The following CT45A10 variants were observed in gnomAD, a reference collection of about 807,000 sequenced individuals.
CT45A10 encodes cancer/testis antigen family 45 member A10.
In CT45A10, 19 loss-of-function variants were observed where a neutral mutation model predicts 8.3. That is an observed-to-expected ratio of 2.30 (90% CI 1.61 to 3.38). CT45A10 has a LOEUF of 3.38. Ranked by LOEUF, CT45A10 falls within the 30% of genes most tolerant of loss-of-function variation. The pLI, the probability that CT45A10 is intolerant of heterozygous loss-of-function variation, is 0.00. For synonymous variants in CT45A10, 28 were observed against 26.5 expected, an observed-to-expected ratio of 1.06 and a Z score of -0.17; for missense variants, 149 against 85.9, an observed-to-expected ratio of 1.73 and a Z score of -2.90.
Position 135,882,638 on chromosome X carries a change from G to T in CT45A10, c.419-9C>A. 1 of 1,159,566 alleles carries T rather than the reference G, an allele frequency of 8.6e-7. No homozygotes were observed. Among genetic ancestry groups the T allele is most frequent in the Non-Finnish European group, 1.2e-6 (1 of 865,840 alleles). On this transcript the variant is annotated splice_polypyrimidine_tract_variant and intron_variant, in intron 3 of 4. Transcript: ENST00000682849. Reference sequence around the variant, plus strand: ...GAAGATTTTTTCATATTCTGAAGATGTTGAAAAAAAAACTTCAGTATTATC... The same window carrying T: ...GAAGATTTTTTCATATTCTGAAGATTTTGAAAAAAAAACTTCAGTATTATC...
At chrX:135,892,277 T>C (rs2088512619) in intron 1 of CT45A10, among the ~76,000 whole-genome samples, 1 of 111,520 alleles carries the variant, frequency 9.0e-6, no homozygotes, top group Non-Finnish European at 1.9e-5. Flanking sequence ...AAATTAACAC[T>C]TTTAAAAAGG....
At chrX:135,891,138 T>C (rs781910365) in intron 1 of CT45A10, among the ~76,000 whole-genome samples, 2 of 111,606 alleles carry the variant, frequency 1.8e-5, no homozygotes, top group Admixed American at 1.9e-4. Context: ...TAAAGATAGA[T>C]AGTGAATCCA....
intron 1 of CT45A10, among the ~76,000 whole-genome samples, chrX:135,890,852 A>G (rs782051453): frequency 8.9e-6 from 1 of 112,377 alleles, no homozygotes; most frequent in South Asian, 3.7e-4. Flanking sequence ...TAAGAAAAAG[A>G]ACTAAGTTGG....
In CT45A10 at chrX:135,882,589, T is replaced by C. The variant is rs1213497372; in HGVS notation, c.459A>G (p.Gly153=). The C allele has an allele frequency of 8.7e-7, 1 of 1,152,859 alleles. No homozygotes were observed. Among genetic ancestry groups the C allele is most frequent in the Admixed American group, 2.3e-5 (1 of 42,939 alleles). The change falls in exon 4 of 5, where the codon GGA becomes GGG. Residue 153 remains glycine, a synonymous_variant. Coordinates refer to ENST00000682849, the MANE Select transcript of CT45A10 (RefSeq NM_001291529.2). The stretch of plus-strand genomic sequence containing the variant: ...AAAATCGTTTCCTGACTGCAGTAGG[T>C]CCTTGCACTCCTTCAAGCATTTCGA... The part of the protein sequence containing the change: ...KIFEMLEGVQ[G]PTAVRKRFFE...
Position 135,883,080 on chromosome X carries a change from G to A in CT45A10, c.346C>T (p.Pro116Ser), listed in dbSNP as rs1253449596. ...DLECRGIASS[P>S]KSQQEINADI... ...GCATTAATTTCTTGTTGGCTTTTGG[G>A]AGAGGAGGCTATTCCTCTGCATTCT... The change falls in exon 3 of 5, where the codon CCC becomes TCC. Residue 116 changes from proline (P) to serine (S), a missense_variant. Coordinates refer to ENST00000682849, the MANE Select transcript of CT45A10 (RefSeq NM_001291529.2). The A allele has an allele frequency of 4.7e-5, 56 of 1,197,075 alleles. 2 individuals are homozygous for A. In the South Asian group the frequency reaches 9.8e-4, roughly 21 times the overall value.
chrX:135,892,862 C>T lies in CT45A10; in HGVS notation c.-7+483G>A, dbSNP rs1000302091. On this transcript the variant is annotated intron_variant, in intron 1 of 4. Coordinates refer to ENST00000682849, the MANE Select transcript of CT45A10 (RefSeq NM_001291529.2). ...GTCCCTCACAGGCTGAGATAAAGCC[C>T]GCGACAGAGAGTGACCCCATAGGGC... Among the ~76,000 whole-genome samples, 17 of 110,281 alleles carry T rather than the reference C, an allele frequency of 1.5e-4. No individual in the cohort carries two copies. In the Admixed American group the frequency reaches 1.6e-3, roughly 11 times the overall value.
intron 1 of CT45A10, chrX:135,889,262 G>C (rs1336772342): frequency 6.9e-6 from 1 of 145,316 alleles, no homozygotes; most frequent in African/African-American, 3.2e-5. Context: ...GGATGAAATC[G>C]CCTGGGTAAC....
chrX:135,882,972 A>T (rs2088399183), intron 3 of CT45A10, 36 bp downstream of exon 3: 3 of 1,185,185 alleles, frequency 2.5e-6, no homozygotes, highest in Non-Finnish European at 3.4e-6. Context: ...GTGACTTCCT[A>T]CAGTTTTATA....
chrX:135,889,971 A>C (rs782495183), intron 1 of CT45A10, among the ~76,000 whole-genome samples: 2 of 112,224 alleles, frequency 1.8e-5, no homozygotes, highest in African/African-American at 3.2e-5. Flanking sequence ...ACTGTATGAA[A>C]AAAAGCATTG....
At chrX:135,890,707 G>A (rs1268094640) in intron 1 of CT45A10, among the ~76,000 whole-genome samples, 6 of 111,987 alleles carry the variant, frequency 5.4e-5, no homozygotes, top group African/African-American at 2.0e-4. Context: ...AGACATTATT[G>A]TTAATTCTCT....
chrX:135,883,004 T>C lies in CT45A10; in HGVS notation c.418+4A>G. ...TATAAAACAGACGTTCTTACACTACTTACTTCGTCCAAGGCATCGGATTTC... is the reference window on the plus strand; with the variant it reads ...TATAAAACAGACGTTCTTACACTACCTACTTCGTCCAAGGCATCGGATTTC... On this transcript the variant is annotated splice_donor_region_variant and intron_variant, in intron 3 of 4. Coordinates refer to ENST00000682849, the MANE Select transcript of CT45A10 (RefSeq NM_001291529.2). 1 of 1,197,909 alleles carries C rather than the reference T, an allele frequency of 8.3e-7. No homozygotes were observed. The highest frequency in any genetic ancestry group is 2.3e-4 in the Middle Eastern group (1 of 4,284).
At position 135,883,110 on chromosome X, in the gene CT45A10, C is replaced by T; in HGVS notation, c.316G>A (p.Asp106Asn). The T allele has an allele frequency of 2.4e-5, 29 of 1,198,979 alleles. 1 individual carries two copies. The highest frequency in any genetic ancestry group is 3.3e-5 in the Non-Finnish European group (29 of 885,967). ...GNVTSNFSGDDLECRGIASSP... is the reference protein window; with the variant it reads ...GNVTSNFSGDNLECRGIASSP... ...GAGGCTATTCCTCTGCATTCTAGGT[C>T]ATCTCCAGAGAAATTGCTGGTAACG... is the stretch of plus-strand genomic sequence containing the variant. The change falls in exon 3 of 5, where the codon GAC (aspartate) becomes AAC (asparagine). Residue 106 changes from aspartate (D) to asparagine (N), a missense_variant. By Grantham distance (23) the Asp-to-Asn change is conservative. Transcript: ENST00000682849.
chrX:135,883,338 C>G (rs1396053663), intron 2 of CT45A10, 82 bp from the exon 3 acceptor site: 17 of 1,186,190 alleles, frequency 1.4e-5, no homozygotes, highest in Non-Finnish European at 1.9e-5. Context: ...TCATGAATGA[C>G]AGATCTGGAA....
chrX:135,893,111 C>T (rs2088524897), intron 1 of CT45A10, among the ~76,000 whole-genome samples: 1 of 110,279 alleles, frequency 9.1e-6, no homozygotes, highest in African/African-American at 3.3e-5. Flanking sequence ...AGAAAAGCCC[C>T]CCGGACCCAC....
chrX:135,883,002 A>T lies in CT45A10; in HGVS notation c.418+6T>A. On this transcript the variant is annotated splice_donor_region_variant and intron_variant, in intron 3 of 4. Transcript: ENST00000682849. Reference sequence around the variant, plus strand: ...TTTATAAAACAGACGTTCTTACACTACTTACTTCGTCCAAGGCATCGGATT... The same window carrying T: ...TTTATAAAACAGACGTTCTTACACTTCTTACTTCGTCCAAGGCATCGGATT... The T allele has an allele frequency of 2.5e-6, 3 of 1,197,380 alleles. No homozygotes were observed. The highest frequency in any genetic ancestry group is 1.8e-5 in the African/African-American group (1 of 57,003).
At chrX:135,882,885 A>G in intron 3 of CT45A10, 123 bp downstream of exon 3, 1 of 815,816 alleles carries the variant, frequency 1.2e-6, no homozygotes. Flanking sequence ...GAACCACCAT[A>G]AATTATGTGC....
intron 3 of CT45A10, among the ~76,000 whole-genome samples, 170 bp from the exon 4 acceptor site, chrX:135,882,799 G>A (rs1342575028): frequency 1.0e-5 from 1 of 100,491 alleles, no homozygotes; most frequent in African/African-American, 3.7e-5. Flanking sequence ...ACATACATAC[G>A]AATGTAACTC....
intron 1 of CT45A10, among the ~76,000 whole-genome samples, chrX:135,888,257 T>C (rs1451836123): frequency 5.0e-4 from 56 of 111,365 alleles, no homozygotes; most frequent in East Asian, 2.4e-3. Context: ...GCCAACACAT[T>C]GTAACTGAGA....
At position 135,883,271 on chromosome X, in the gene CT45A10, T is replaced by C; in HGVS notation, c.170-15A>G. 1 of 1,195,850 alleles carries C rather than the reference T, an allele frequency of 8.4e-7. No homozygotes were observed. Among genetic ancestry groups the C allele is most frequent in the Non-Finnish European group, 1.1e-6 (1 of 885,211 alleles). On this transcript the variant is annotated splice_polypyrimidine_tract_variant and intron_variant, in intron 2 of 4. Coordinates refer to ENST00000682849, the MANE Select transcript of CT45A10 (RefSeq NM_001291529.2). ...TGTCATAAGCTCTGGTGAAACAAAT[T>C]TTGAGTAAAAGCCATCAGTTGGTGT... is the stretch of plus-strand genomic sequence containing the variant.
Sources: gnomAD v4.1 joint callset for allele counts (sites outside exome capture counted in the v4.1 genomes callset) on GRCh38, gnomAD v4.1.1 for gene constraint, MANE v1.5 for transcripts, NCBI Gene and HGNC (gene_info 2026-07-23, HGNC 2026-07-21) for gene names.